The following PRDM5 variants were observed in gnomAD, a reference collection of about 807,000 sequenced individuals.
The protein encoded by PRDM5 is PR/SET domain 5.
A neutral mutation model predicts 81.2 loss-of-function variants in PRDM5; 56 were observed. The ratio of observed to expected loss-of-function variants is 0.69; its 90% CI spans 0.56 to 0.86. The LOEUF is 0.86. PRDM5 is among the 40% of genes least tolerant of loss of function. The pLI is 0.00. For synonymous variants in PRDM5, 267 were observed against 256.4 expected, an observed-to-expected ratio of 1.04 and a Z score of -0.39; for missense variants, 697 against 770.1, an observed-to-expected ratio of 0.91 and a Z score of 1.12.
At chr4:120,907,345 A>C (rs1765928309) in intron 2 of PRDM5, 129 bp downstream of exon 2, 1 of 867,190 alleles carries the variant, frequency 1.2e-6, no homozygotes, top group Non-Finnish European at 1.8e-6. Context: ...AAAAAAAAAA[A>C]AAAAAACCTA....
rs12499000 is a variant in PRDM5, at chr4:120,785,046, A to G, written c.1234T>C (p.Leu412=). 401,036 of 1,608,530 alleles carry G rather than the reference A, an allele frequency of 0.25. 53,348 individuals are homozygous for G. Among genetic ancestry groups the G allele is most frequent in the Non-Finnish European group, 0.28 (325,143 of 1,175,314 alleles). Residue 412 remains leucine (L), a synonymous_variant, in exon 11 of 16, where the codon TTG becomes CTG. Transcript: ENST00000264808. ...RPFQCEECKA[L]FRTPFSLQRH... is the part of the protein sequence containing the mutation. ...TGTAAAGAAAATGGGGTCCGGAACAAAGCTTTACATTCTTCACATTGGAAC... is the reference window on the plus strand; with the variant it reads ...TGTAAAGAAAATGGGGTCCGGAACAGAGCTTTACATTCTTCACATTGGAAC...
chr4:120,853,340 T>C lies in PRDM5; in HGVS notation c.300+78A>G. The C allele has an allele frequency of 2.5e-6, 4 of 1,599,992 alleles. No homozygotes were observed. The East Asian group carries it at 8.9e-5, about 36-fold the overall frequency. ...GAAGGAGGTCATTGGGAAACAAATT[T>C]AAAACAGGGAGTACAGTCATATATT... On this transcript the variant is annotated intron_variant, in intron 3 of 15. Coordinates refer to ENST00000264808, the MANE Select transcript of PRDM5 (RefSeq NM_018699.4).
intron 12 of PRDM5, 35 bp downstream of exon 12, chr4:120,781,108 T>A: frequency 6.3e-7 from 1 of 1,579,670 alleles, no homozygotes; most frequent in Non-Finnish European, 8.7e-7. Context: ...CTTAAACACG[T>A]AATCTGTTCA....
chr4:120,887,705 G>A (rs1007970328), intron 2 of PRDM5, among the ~76,000 whole-genome samples: 1 of 151,916 alleles, frequency 6.6e-6, no homozygotes, highest in African/African-American at 2.4e-5. Flanking sequence ...TTCTTCAGAT[G>A]GCCGCTACAC....
In PRDM5 at chr4:120,922,504, CG is replaced by C; in HGVS notation, c.93+11del. On this transcript the variant is annotated intron_variant, in intron 1 of 15. Transcript: ENST00000264808. ...GGTGCAGGGGCGCGCAGGCCGCCGC[CG>C]GGTCACCCACCTTTCGCACTCTGCG... 2.5e-6 allele frequency: 4 copies of C among 1,590,466 alleles called. No homozygotes were observed. Among genetic ancestry groups the C allele is most frequent in the Non-Finnish European group, 3.4e-6 (4 of 1,169,768 alleles).
chr4:120,878,161 A>T (rs938580280), intron 2 of PRDM5, among the ~76,000 whole-genome samples: 1 of 152,176 alleles, frequency 6.6e-6, no homozygotes, highest in African/African-American at 2.4e-5. Flanking sequence ...GTAGACTTTC[A>T]TTTCTGTATT....
At chr4:120,797,390 A>G (rs17414992) in intron 10 of PRDM5, among the ~76,000 whole-genome samples, 20,206 of 152,064 alleles carry the variant, frequency 0.13, 1,908 homozygotes, top group Non-Finnish European at 0.2. Flanking sequence ...GCCTTGTAGG[A>G]TGGATTGCAG....
At chr4:120,804,457 A>T (rs181663526) in intron 8 of PRDM5, among the ~76,000 whole-genome samples, 56 of 152,272 alleles carry the variant, frequency 3.7e-4, no homozygotes, top group African/African-American at 1.0e-3. Context: ...GAAGTAAAGC[A>T]CTCCTCAGCA....
intron 14 of PRDM5, among the ~76,000 whole-genome samples, chr4:120,726,002 T>C (rs1739350255): frequency 6.6e-6 from 1 of 152,142 alleles, no homozygotes; most frequent in African/African-American, 2.4e-5. Context: ...AGCTAGCCCT[T>C]TCCCATCACA....
intron 13 of PRDM5, among the ~76,000 whole-genome samples, chr4:120,768,061 G>A (rs1386350437): frequency 6.6e-6 from 1 of 152,072 alleles, no homozygotes; most frequent in Non-Finnish European, 1.5e-5. Context: ...TAATAGCAGG[G>A]TGAGAACAGA....
intron 9 of PRDM5, among the ~76,000 whole-genome samples, chr4:120,799,457 A>G (rs1381016408): frequency 6.6e-6 from 1 of 152,198 alleles, no homozygotes; most frequent in African/African-American, 2.4e-5. Context: ...GATCTTCAAT[A>G]TCATTTACTC....
intron 3 of PRDM5, among the ~76,000 whole-genome samples, chr4:120,822,221 C>G (rs1755380319): frequency 6.6e-6 from 1 of 152,192 alleles, no homozygotes; most frequent in Non-Finnish European, 1.5e-5. Flanking sequence ...GGGCTGTCCC[C>G]AGGAGAAAGC....
rs537873038 is a variant in PRDM5, at chr4:120,720,124, G to T, written c.1624-9711C>A. Reference sequence around the variant, plus strand: ...ATAGCCAAGCTGTTCACATGTGTCTGGAGTAAAGGGCTTCTTGTACTCTTA... The same window carrying T: ...ATAGCCAAGCTGTTCACATGTGTCTTGAGTAAAGGGCTTCTTGTACTCTTA... On this transcript the variant is annotated intron_variant, in intron 14 of 15. Coordinates refer to ENST00000264808, the MANE Select transcript of PRDM5 (RefSeq NM_018699.4). Among the ~76,000 whole-genome samples, 11 of 152,240 alleles carry T rather than the reference G, an allele frequency of 7.2e-5. No individual in the cohort carries two copies. The South Asian group carries it at 2.3e-3, about 32-fold the overall frequency.
chr4:120,757,423 T>C (rs931904453), intron 13 of PRDM5, among the ~76,000 whole-genome samples: 7 of 152,228 alleles, frequency 4.6e-5, no homozygotes, highest in Non-Finnish European at 1.0e-4. Flanking sequence ...TCGTCTAAAG[T>C]AGTCTCAGTT....
At chr4:120,836,216 T>G (rs1431781501) in intron 3 of PRDM5, among the ~76,000 whole-genome samples, 1 of 152,108 alleles carries the variant, frequency 6.6e-6, no homozygotes, top group Non-Finnish European at 1.5e-5. Context: ...TTCTCTATTT[T>G]AGGAAAAAAG....
At chr4:120,919,694 G>A (rs576338377) in intron 1 of PRDM5, among the ~76,000 whole-genome samples, 1 of 152,164 alleles carries the variant, frequency 6.6e-6, no homozygotes, top group African/African-American at 2.4e-5. Flanking sequence ...ATTTTAATCT[G>A]CATAATACTT....
At chr4:120,821,023 C>A in intron 4 of PRDM5, 148 bp downstream of exon 4, 1 of 968,680 alleles carries the variant, frequency 1.0e-6, no homozygotes, top group Non-Finnish European at 1.6e-6. Context: ...ATGAGTCCAC[C>A]ACAGGATACC....
At chr4:120,761,588 A>G (rs1429106682) in intron 13 of PRDM5, among the ~76,000 whole-genome samples, 1 of 152,210 alleles carries the variant, frequency 6.6e-6, no homozygotes, top group Non-Finnish European at 1.5e-5. Flanking sequence ...GCAGTTTAGG[A>G]TAACATGAAT....
At chr4:120,844,611 C>G (rs1027239572) in intron 3 of PRDM5, among the ~76,000 whole-genome samples, 10 of 152,140 alleles carry the variant, frequency 6.6e-5, no homozygotes, top group African/African-American at 1.7e-4. Flanking sequence ...CTACCAGTAG[C>G]CCTTCCCCCA....
Sources: allele counts gnomAD v4.1 joint callset (sites outside exome capture counted in the v4.1 genomes callset), GRCh38; gene constraint gnomAD v4.1.1; transcripts MANE v1.5; gene names NCBI Gene and HGNC (gene_info 2026-07-23, HGNC 2026-07-21).